Variants in PDE7B observed in about 807,000 individuals in gnomAD.
PDE7B encodes the protein 3',5'-cyclic-AMP phosphodiesterase 7B.
In PDE7B, 29 loss-of-function variants were observed where a neutral mutation model predicts 56.2. That is an observed-to-expected ratio of 0.52 (90% confidence interval 0.38 to 0.70). The LOEUF (loss-of-function observed/expected upper bound fraction) is 0.70, where lower values mean the gene tolerates loss of function less well. Ranked by LOEUF, PDE7B falls within the 30% of genes least tolerant of loss-of-function variation. The probability of loss-of-function intolerance (pLI) is 0.00; values close to 1 mark genes in which losing one functional copy is unlikely to be tolerated. For missense variants in PDE7B, 490 were observed against 565.0 expected (o/e 0.87, Z 1.35); for synonymous variants, 197 against 196.9 (o/e 1.00, Z 0.00).
chr6:136,064,614 C>A (rs975385680), intron 2 of PDE7B: 5 of 152,284 alleles, frequency 3.3e-5, no homozygotes, highest in African/African-American at 1.2e-4. Context: ...CCACCTTCAT[C>A]TTCGGAACCT....
At chr6:135,906,825 T>TTTTTGTTTTTTTTTTTTG (rs1776120507) in intron 1 of PDE7B, among the ~76,000 whole-genome samples, 1 of 145,782 alleles carries the variant, frequency 6.9e-6, no homozygotes, top group African/African-American at 2.6e-5. Context: ...TTTTTTTTTT[T>TTTTTGTTTTTTTTTTTTG]TTTTTTTTTT....
At chr6:135,971,937 A>G (rs1775100578) in intron 2 of PDE7B, among the ~76,000 whole-genome samples, 1 of 152,210 alleles carries the variant, frequency 6.6e-6, no homozygotes, top group East Asian at 1.9e-4. Flanking sequence ...GCATAACGCT[A>G]TAGTAAACAG....
intron 3 of PDE7B, among the ~76,000 whole-genome samples, chr6:136,136,668 C>T (rs1778215719): frequency 6.6e-6 from 1 of 151,324 alleles, no homozygotes; most frequent in South Asian, 2.1e-4. Flanking sequence ...CAAAACACCT[C>T]ATGTACCCCA....
rs976128685 is a variant in PDE7B at position 135,908,371 on chromosome 6, G to A, written c.22-39093G>A. ...GCCTCCTAAAGAGCTGGGATTACAG[G>A]CGTGAGACACCGCACCCGGCCTATC... is the stretch of plus-strand genomic sequence containing the variant. On this transcript the variant is annotated intron_variant, in intron 1 of 12. Coordinates refer to ENST00000308191, the MANE Select transcript of PDE7B (RefSeq NM_018945.4). Among the ~76,000 whole-genome samples the A allele has an allele frequency of 2.6e-5, 4 of 151,980 alleles. No homozygotes were observed. In the East Asian group the frequency reaches 7.7e-4, roughly 29 times the overall value.
At chr6:136,167,227 A>G (rs1310647214) in intron 8 of PDE7B, among the ~76,000 whole-genome samples, 1 of 152,058 alleles carries the variant, frequency 6.6e-6, no homozygotes, top group African/African-American at 2.4e-5. Flanking sequence ...CTATCTTCTA[A>G]CATGCTATCC....
At chr6:136,108,524 C>T (rs1211731032) in intron 2 of PDE7B, among the ~76,000 whole-genome samples, 1 of 152,154 alleles carries the variant, frequency 6.6e-6, no homozygotes, top group African/African-American at 2.4e-5. Flanking sequence ...TAAGCACATA[C>T]AAGAGACCTG....
intron 1 of PDE7B, among the ~76,000 whole-genome samples, chr6:135,920,449 C>T (rs900111522): frequency 3.9e-5 from 6 of 152,120 alleles, no homozygotes; most frequent in Admixed American, 3.9e-4. Flanking sequence ...TCTAGGTATA[C>T]ATGACCCTCC....
chr6:135,998,423 T>G (rs1188564259), intron 2 of PDE7B, among the ~76,000 whole-genome samples: 2 of 152,200 alleles, frequency 1.3e-5, no homozygotes, highest in African/African-American at 4.8e-5. Context: ...ATATTTATCT[T>G]GAATTATTTT....
chr6:136,007,203 C>T (rs1383655407), intron 2 of PDE7B, among the ~76,000 whole-genome samples: 1 of 152,086 alleles, frequency 6.6e-6, no homozygotes, highest in Non-Finnish European at 1.5e-5. Context: ...TTATGTAATG[C>T]ATCACATTTA....
At chr6:135,950,273 T>C (rs1308957740) in intron 2 of PDE7B, among the ~76,000 whole-genome samples, 1 of 152,124 alleles carries the variant, frequency 6.6e-6, no homozygotes, top group African/African-American at 2.4e-5. Context: ...AAAAAGCACC[T>C]CTTCACCACT....
intron 1 of PDE7B, among the ~76,000 whole-genome samples, chr6:135,888,026 CTA>C (rs2128189711): frequency 6.6e-6 from 1 of 152,228 alleles, no homozygotes; most frequent in South Asian, 2.1e-4. Flanking sequence ...TTTCATCTTG[CTA>C]TGTCATCTCT....
At chr6:136,054,639 C>G (rs931732783) in intron 2 of PDE7B, among the ~76,000 whole-genome samples, 2 of 152,128 alleles carry the variant, frequency 1.3e-5, no homozygotes, top group Non-Finnish European at 2.9e-5. Context: ...TATAAATTAC[C>G]TTGGGCAGTA....
chr6:136,047,881 C>G (rs1306812400), intron 2 of PDE7B, among the ~76,000 whole-genome samples: 1 of 152,138 alleles, frequency 6.6e-6, no homozygotes, highest in Non-Finnish European at 1.5e-5. Context: ...AAACAACTCA[C>G]TGATATCAAG....
intron 1 of PDE7B, among the ~76,000 whole-genome samples, chr6:135,922,875 G>A (rs1448835541): frequency 6.6e-6 from 1 of 152,128 alleles, no homozygotes; most frequent in Non-Finnish European, 1.5e-5. Context: ...AACCTTTCCT[G>A]TGGGTCATCA....
chr6:135,986,122 A>G (rs993564490), intron 2 of PDE7B, among the ~76,000 whole-genome samples: 2 of 152,192 alleles, frequency 1.3e-5, no homozygotes, highest in African/African-American at 4.8e-5. Flanking sequence ...GAACTATCAC[A>G]TTACTGAATC....
chr6:135,939,661 G>C (rs1168909477), intron 1 of PDE7B, among the ~76,000 whole-genome samples: 1 of 152,158 alleles, frequency 6.6e-6, no homozygotes, highest in Admixed American at 6.5e-5. Flanking sequence ...TGTCACGTAG[G>C]AGACCCTGAA....
intron 2 of PDE7B, among the ~76,000 whole-genome samples, chr6:135,956,716 G>A (rs1232904709): frequency 6.6e-6 from 1 of 151,958 alleles, no homozygotes; most frequent in African/African-American, 2.4e-5. Flanking sequence ...GGAGGTCAAG[G>A]CTGCAGTGAA....
intron 1 of PDE7B, among the ~76,000 whole-genome samples, chr6:135,921,425 C>A (rs1774078208): frequency 6.6e-6 from 1 of 152,078 alleles, no homozygotes; most frequent in Non-Finnish European, 1.5e-5. Flanking sequence ...TTGCTTGTAA[C>A]CAAACAAGGA....
At chr6:135,937,395 T>C (rs1008833929) in intron 1 of PDE7B, among the ~76,000 whole-genome samples, 6 of 152,104 alleles carry the variant, frequency 3.9e-5, no homozygotes, top group African/African-American at 1.2e-4. Context: ...GTCTCTCCAC[T>C]CTCCAGTTCT....
Sources: gnomAD v4.1 joint callset for allele counts (sites outside exome capture counted in the v4.1 genomes callset) on GRCh38, gnomAD v4.1.1 for gene constraint, MANE v1.5 for transcripts, NCBI Gene and HGNC (gene_info 2026-07-23, HGNC 2026-07-21) for gene names.